KRT78: variants seen among roughly 807,000 people sequenced by gnomAD.
KRT78 encodes the protein keratin 78.
Under a neutral mutation model 51.4 loss-of-function variants are expected in KRT78, and 55 were observed. The observed-to-expected ratio is 1.07, with a 90% CI of 0.86 to 1.34. The LOEUF is 1.34. Ranked by LOEUF, KRT78 falls within the 40% of genes most tolerant of loss-of-function variation. The pLI, the probability that KRT78 is intolerant of heterozygous loss-of-function variation, is 0.00. For missense variants in KRT78, 652 were observed against 649.4 expected (o/e 1.00, Z -0.04); for synonymous variants, 291 against 264.3 (o/e 1.10, Z -0.98).
intron 5 of KRT78, 89 bp downstream of exon 5, chr12:52,844,470 C>T (rs1940592545): frequency 4.7e-6 from 7 of 1,478,030 alleles, no homozygotes; most frequent in Admixed American, 3.8e-5. Context: ...GGAACTGCCC[C>T]AATGGGATCG....
At chr12:52,842,208 T>C (rs1385231352) in intron 6 of KRT78, among the ~76,000 whole-genome samples, 2 of 151,966 alleles carry the variant, frequency 1.3e-5, no homozygotes, top group African/African-American at 4.8e-5. Context: ...TGCTTGGGAG[T>C]CAAGGGACCA....
At chr12:52,840,516 C>G (rs1940468913) in intron 6 of KRT78, among the ~76,000 whole-genome samples, 1 of 151,994 alleles carries the variant, frequency 6.6e-6, no homozygotes, top group Non-Finnish European at 1.5e-5. Flanking sequence ...TCCTGGCTAA[C>G]ACGGTAAAAC....
intron 4 of KRT78, 46 bp from the exon 5 acceptor site, chr12:52,844,769 T>G (rs753117907): frequency 6.5e-7 from 1 of 1,549,490 alleles, no homozygotes; most frequent in Non-Finnish European, 8.8e-7. Context: ...CAGCTCCTTC[T>G]CCCCTTGAAG....
In KRT78 at chr12:52,848,029, C is replaced by G; in HGVS notation, c.477G>C (p.Glu159Asp). ...QGLSGSQQGL[E>D]PVFEACLDQL... ...GATCCAGGCAGGCCTCAAAGACAGGCTCCAGGCCCTGCTGGCTGCCACTCA... is the reference window on the plus strand; with the variant it reads ...GATCCAGGCAGGCCTCAAAGACAGGGTCCAGGCCCTGCTGGCTGCCACTCA... The change falls in exon 2 of 9, where the codon GAG becomes GAC. Residue 159 changes from glutamate to aspartate, a missense_variant. Glu to Asp is a conservative substitution (Grantham distance 45). Coordinates refer to ENST00000304620, the MANE Select transcript of KRT78 (RefSeq NM_173352.4). 6.2e-7 allele frequency: 1 copy of G among 1,614,230 alleles called. No individual in the cohort carries two copies. Among genetic ancestry groups the G allele is most frequent in the Non-Finnish European group, 8.5e-7 (1 of 1,180,026 alleles).
rs968464226 is a variant in KRT78 at position 52,837,982 on chromosome 12, C to G, written c.*1131G>C. 6.6e-6 allele frequency: 1 copy of G among 152,184 alleles called. No individual in the cohort carries two copies. The highest frequency in any genetic ancestry group is 1.5e-5 in the Non-Finnish European group (1 of 68,048). The allele number at this position is 152,184 out of a possible 1,614,324, so 9.4% of individuals were successfully genotyped here. A position where few individuals can be genotyped will look rare whatever the true frequency, so the allele number is the denominator to read the frequency against. ...TGATCAAGGTCACACCACTAGGAAA[C>G]AGCAGAGCTGGGATTCAAGCCACAT... is the stretch of plus-strand genomic sequence containing the variant. On this transcript the variant is annotated 3_prime_UTR_variant, in exon 9 of 9. Coordinates refer to ENST00000304620, the MANE Select transcript of KRT78 (RefSeq NM_173352.4).
chr12:52,844,441 G>A, intron 5 of KRT78, 118 bp downstream of exon 5: 2 of 1,242,012 alleles, frequency 1.6e-6, no homozygotes, highest in Non-Finnish European at 2.2e-6. Context: ...CCCAGCCCCA[G>A]ACCTTCAGGG....
chr12:52,848,907 G>T lies in KRT78; in HGVS notation c.24C>A (p.Ala8=). The stretch of plus-strand genomic sequence containing the variant: ...CTGAGCGAGCGCTGAAGCCCCTCTG[G>T]GCCCGGCATGGGGAGAGAGACATGG... MSLSPCR[A]QRGFSARSAC... Residue 8 remains alanine, a synonymous_variant, in exon 1 of 9, where the codon GCC becomes GCA. Transcript: ENST00000304620. 2.5e-6 allele frequency: 4 copies of T among 1,575,010 alleles called. No individual in the cohort carries two copies. The highest frequency in any genetic ancestry group is 2.6e-6 in the Non-Finnish European group (3 of 1,162,298).
intron 1 of KRT78, chr12:52,848,322 TC>T (rs1417745325): frequency 9.4e-6 from 14 of 1,494,792 alleles, no homozygotes; most frequent in African/African-American, 1.4e-5. Flanking sequence ...GGCAGGGCCT[TC>T]CCCCCGCTGG....
chr12:52,846,403 C>A, intron 3 of KRT78, 111 bp from the exon 4 acceptor site: 3 of 749,996 alleles, frequency 4.0e-6, no homozygotes, highest in Non-Finnish European at 7.3e-6. Context: ...CCATGCCTCC[C>A]AAGACCCCCT....
At chr12:52,843,505 C>T (rs1261050512) in intron 6 of KRT78, among the ~76,000 whole-genome samples, 1 of 151,196 alleles carries the variant, frequency 6.6e-6, no homozygotes, top group Non-Finnish European at 1.5e-5. Flanking sequence ...GCCTGGCCAA[C>T]ATGGTGAAAC....
intron 6 of KRT78, among the ~76,000 whole-genome samples, chr12:52,842,959 GAGGAAGGAAGGA>G (rs1191289534): frequency 4.3e-4 from 23 of 53,760 alleles, no homozygotes; most frequent in South Asian, 2.8e-3. Context: ...GAGAGAGAGA[GAGGAAGGAAGGA>G]AGGAAGGAAG....
rs534627436 is a variant in KRT78, at chr12:52,837,890, C to G, written c.*1223G>C. 6.6e-6 allele frequency: 1 copy of G among 152,212 alleles called. No homozygotes were observed. 9.4% of individuals were successfully genotyped at this position (152,212 alleles called of 1,614,324 possible). A position where few individuals can be genotyped will look rare whatever the true frequency, so the allele number is the denominator to read the frequency against. On this transcript the variant is annotated 3_prime_UTR_variant, in exon 9 of 9. Transcript: ENST00000304620. ...TCCTAGTGGCACTGTCGCCACACAG[C>G]CCTGTGAGGTACATATTATTATTAA... is the stretch of plus-strand genomic sequence containing the variant.
In KRT78 at chr12:52,838,009, C is replaced by G. The variant is rs190803628; in HGVS notation, c.*1104G>C. 2 of 152,310 alleles carry G rather than the reference C, an allele frequency of 1.3e-5. No individual in the cohort carries two copies. The highest frequency in any genetic ancestry group is 1.9e-4 in the East Asian group (1 of 5,182). 9.4% of individuals were successfully genotyped at this position (152,310 alleles called of 1,614,324 possible). On this transcript the variant is annotated 3_prime_UTR_variant, in exon 9 of 9. Transcript: ENST00000304620. The stretch of plus-strand genomic sequence containing the variant: ...GCAGAGCTGGGATTCAAGCCACATC[C>G]TCACCGGCTCTGGTCTCCTTCACAC...
In KRT78 at chr12:52,839,784, C is replaced by G. The variant is rs1940439476; in HGVS notation, c.1248G>C (p.Leu416=). 6.2e-7 allele frequency: 1 copy of G among 1,613,950 alleles called. No individual in the cohort carries two copies. Among genetic ancestry groups the G allele is most frequent in the Non-Finnish European group, 8.5e-7 (1 of 1,180,024 alleles). The change falls in exon 7 of 9, where the codon CTG becomes CTC. Residue 416 remains leucine (L), a synonymous_variant. Transcript: ENST00000304620. Reference sequence around the variant, plus strand: ...CTCACCTGCACTCCTCGCCCTCCAGCAGCCTGCGGTAAGTGGCAATCTCCA... The same window carrying G: ...CTCACCTGCACTCCTCGCCCTCCAGGAGCCTGCGGTAAGTGGCAATCTCCA... ...LDVEIATYRR[L]LEGEECRMSG... is the part of the protein sequence containing the mutation.
At chr12:52,844,476 GA>G in intron 5 of KRT78, 82 bp downstream of exon 5, 1 of 1,499,152 alleles carries the variant, frequency 6.7e-7, no homozygotes, top group Admixed American at 1.9e-5. Flanking sequence ...GCCCCAATGG[GA>G]TCGAGGTGGA....
chr12:52,843,310 G>A (rs144387879), intron 6 of KRT78, among the ~76,000 whole-genome samples: 1,005 of 129,906 alleles, frequency 7.7e-3, no homozygotes, highest in Middle Eastern at 0.058. Context: ...AGGTTGTAGT[G>A]AGCCAAGATC....
intron 6 of KRT78, among the ~76,000 whole-genome samples, chr12:52,840,216 C>T (rs755924111): frequency 3.9e-4 from 59 of 152,062 alleles, no homozygotes; most frequent in Non-Finnish European, 5.1e-4. Context: ...AGAGTATCCC[C>T]CAAAACTTTC....
Position 52,848,335 on chromosome 12 carries a change from T to C in KRT78, c.384+212A>G. Reference sequence around the variant, plus strand: ...GGGGCAGGGCCTTCCCCCCGCTGGCTGGCAGTTCTCTGTCCCTGAGCCCCA... The same window carrying C: ...GGGGCAGGGCCTTCCCCCCGCTGGCCGGCAGTTCTCTGTCCCTGAGCCCCA... On this transcript the variant is annotated intron_variant, in intron 1 of 8. Transcript: ENST00000304620. The C allele has an allele frequency of 2.0e-6, 3 of 1,486,570 alleles. No individual in the cohort carries two copies. The East Asian group carries it at 7.4e-5, about 37-fold the overall frequency. 92.1% of individuals were successfully genotyped at this position (1,486,570 alleles called of 1,614,324 possible). A position where few individuals can be genotyped will look rare whatever the true frequency, so the allele number is the denominator to read the frequency against.
At position 52,844,761 on chromosome 12, in the gene KRT78, G is replaced by A. The variant is rs59985415; in HGVS notation, c.757-38C>T. 0.038 allele frequency: 58,867 copies of A among 1,566,022 alleles called. 7,294 individuals carry two copies. In the African/African-American group the frequency reaches 0.39, roughly 10 times the overall value. On this transcript the variant is annotated intron_variant, in intron 4 of 8. Transcript: ENST00000304620. ...CAGACTCAGTGTCCACTCACCCCCA[G>A]CTCCTTCTCCCCTTGAAGCCTAGGA...
Sources: allele counts gnomAD v4.1 joint callset (sites outside exome capture counted in the v4.1 genomes callset), GRCh38; gene constraint gnomAD v4.1.1; transcripts MANE v1.5; gene names NCBI Gene and HGNC (gene_info 2026-07-23, HGNC 2026-07-21).